PAK1IP1: variants seen among roughly 807,000 people sequenced by gnomAD.
The protein encoded by PAK1IP1 is PAK1 interacting protein 1.
PAK1IP1 carries 24 observed loss-of-function variants against 42.0 expected under a neutral mutation model. The ratio of observed to expected loss-of-function variants is 0.57; its 90% CI spans 0.41 to 0.80. PAK1IP1 has a LOEUF of 0.80. Ranked by LOEUF, PAK1IP1 falls within the 30% of genes least tolerant of loss-of-function variation. The probability of loss-of-function intolerance (pLI) is 0.00; values close to 1 mark genes in which losing one functional copy is unlikely to be tolerated. For synonymous variants in PAK1IP1, 154 were observed against 156.7 expected, an observed-to-expected ratio of 0.98 and a Z score of 0.13; for missense variants, 411 against 467.9, an observed-to-expected ratio of 0.88 and a Z score of 1.12.
intron 2 of PAK1IP1, among the ~76,000 whole-genome samples, chr6:10,701,792 C>T (rs1770035558): frequency 6.6e-6 from 1 of 152,082 alleles, no homozygotes; most frequent in African/African-American, 2.4e-5. Context: ...CCAGCCACCT[C>T]CTAAATTTAT....
At chr6:10,707,776 G>A (rs1312455598) in intron 8 of PAK1IP1, among the ~76,000 whole-genome samples, 1 of 152,134 alleles carries the variant, frequency 6.6e-6, no homozygotes, top group African/African-American at 2.4e-5. Flanking sequence ...CTTGAATATT[G>A]GAGTTCTCTG....
At chr6:10,708,867 C>A in intron 8 of PAK1IP1, 86 bp from the exon 9 acceptor site, 1 of 1,082,190 alleles carries the variant, frequency 9.2e-7, no homozygotes, top group Non-Finnish European at 1.4e-6. Context: ...CAAGAAAATA[C>A]AGGAAGTTTT....
chr6:10,696,681 G>T (rs1769868694), intron 1 of PAK1IP1, among the ~76,000 whole-genome samples: 1 of 152,190 alleles, frequency 6.6e-6, no homozygotes, highest in African/African-American at 2.4e-5. Flanking sequence ...GGTGGCTCAT[G>T]CCTGCAATCC....
chr6:10,709,171 G>A (rs941585810), intron 9 of PAK1IP1, 67 bp from the exon 10 acceptor site: 1 of 1,508,136 alleles, frequency 6.6e-7, no homozygotes, highest in Non-Finnish European at 9.1e-7. Context: ...TTTATTGACA[G>A]CTTGTGTTTA....
At chr6:10,697,207 T>C (rs12661484) in intron 1 of PAK1IP1, 117 bp from the exon 2 acceptor site, 22,460 of 801,800 alleles carry the variant, frequency 0.028, 2,240 homozygotes, top group African/African-American at 0.27. Flanking sequence ...AATCGTGGAA[T>C]GATTTATCTT....
At chr6:10,696,740 C>G (rs1769873410) in intron 1 of PAK1IP1, among the ~76,000 whole-genome samples, 1 of 152,138 alleles carries the variant, frequency 6.6e-6, no homozygotes, top group Admixed American at 6.5e-5. Flanking sequence ...GTCAGGGGTT[C>G]AAGACCAGCC....
chr6:10,702,004 G>A (rs1292951601), intron 2 of PAK1IP1, among the ~76,000 whole-genome samples: 2 of 152,200 alleles, frequency 1.3e-5, no homozygotes, highest in African/African-American at 4.8e-5. Context: ...GGAGGCTGAG[G>A]TGGGCAGATC....
upstream of PAK1IP1, among the ~76,000 whole-genome samples, chr6:10,693,418 G>A (rs1260598917): frequency 6.6e-6 from 1 of 152,186 alleles, no homozygotes; most frequent in African/African-American, 2.4e-5. Flanking sequence ...TTTCTGCACT[G>A]CAGTGACAAC....
chr6:10,694,085 C>A (rs1450635558), upstream of PAK1IP1, among the ~76,000 whole-genome samples: 1 of 152,066 alleles, frequency 6.6e-6, no homozygotes, highest in Non-Finnish European at 1.5e-5. Flanking sequence ...CATGGAGAAA[C>A]CCTGTCTCTA....
intron 4 of PAK1IP1, 37 bp from the exon 5 acceptor site, chr6:10,703,368 T>C: frequency 6.6e-7 from 1 of 1,519,544 alleles, no homozygotes; most frequent in Non-Finnish European, 9.1e-7. Flanking sequence ...AAAAGTTAGT[T>C]GGTGATCACA....
intron 2 of PAK1IP1, among the ~76,000 whole-genome samples, chr6:10,699,151 A>C (rs1354114084): frequency 7.0e-6 from 1 of 142,540 alleles, no homozygotes; most frequent in Non-Finnish European, 1.5e-5. Flanking sequence ...CAGTGAGCTG[A>C]GACTGTGCCA....
rs773789186 is a variant in PAK1IP1 at position 10,697,359 on chromosome 6, T to A, written c.120T>A (p.Ala40=). 4 of 1,613,970 alleles carry A rather than the reference T, an allele frequency of 2.5e-6. No individual in the cohort carries two copies. The highest frequency in any genetic ancestry group is 3.4e-6 in the Non-Finnish European group (4 of 1,179,980). Reference sequence around the variant, plus strand: ...TTGTGGCTGACTTCACTCACCATGCTCACACTGCCTCCTTGTCAGCAGTAG... The same window carrying A: ...TTGTGGCTGACTTCACTCACCATGCACACACTGCCTCCTTGTCAGCAGTAG... ...WTLVADFTHH[A]HTASLSAVAV... Residue 40 remains alanine (A), a synonymous_variant, in exon 2 of 10, where the codon GCT becomes GCA. Coordinates refer to ENST00000379568, the MANE Select transcript of PAK1IP1 (RefSeq NM_017906.3).
intron 5 of PAK1IP1, 109 bp from the exon 6 acceptor site, chr6:10,704,398 G>A (rs1032766825): frequency 1.7e-5 from 11 of 661,440 alleles, no homozygotes; most frequent in Non-Finnish European, 2.5e-5. Context: ...AGATGAAATA[G>A]GATAATGAAT....
intron 1 of PAK1IP1, among the ~76,000 whole-genome samples, chr6:10,696,222 A>G (rs1010500545): frequency 6.6e-6 from 1 of 152,184 alleles, no homozygotes; most frequent in African/African-American, 2.4e-5. Context: ...AATCTAAGCA[A>G]TAGCCTAGAT....
At position 10,707,512 on chromosome 6, in the gene PAK1IP1, A is replaced by G. The variant is rs543748909; in HGVS notation, c.838A>G (p.Lys280Glu). 1.9e-5 allele frequency: 30 copies of G among 1,563,730 alleles called. No individual in the cohort carries two copies. The South Asian group carries it at 3.0e-4, about 16-fold the overall frequency. ...FIKMWKLKQD[K>E]KVPPSLLCEI... ...CAAAATGTGGAAGCTTAAGCAGGAT[A>G]AGGTCAGTGCTTCAACACAATCTAA... Residue 280 changes from lysine to glutamate, a missense_variant and splice_region_variant, in exon 8 of 10, where the codon AAG (lysine) becomes GAG (glutamate). Lys to Glu is a moderately conservative substitution (Grantham distance 56). Coordinates refer to ENST00000379568, the MANE Select transcript of PAK1IP1 (RefSeq NM_017906.3).
intron 7 of PAK1IP1, among the ~76,000 whole-genome samples, chr6:10,705,130 C>T (rs796551998): frequency 2.0e-5 from 3 of 152,196 alleles, no homozygotes; most frequent in African/African-American, 7.2e-5. Flanking sequence ...CAAGACCATC[C>T]TGGCCAACAT....
chr6:10,700,809 T>C (rs1424595133), intron 2 of PAK1IP1, among the ~76,000 whole-genome samples: 3 of 152,078 alleles, frequency 2.0e-5, no homozygotes, highest in Non-Finnish European at 2.9e-5. Flanking sequence ...ATAAATCCTT[T>C]TTTTCTTTTT....
At chr6:10,706,937 C>CAAAAAAGAAGCAG (rs1235149545) in intron 7 of PAK1IP1, among the ~76,000 whole-genome samples, 1 of 150,790 alleles carries the variant, frequency 6.6e-6, no homozygotes, top group Non-Finnish European at 1.5e-5. Flanking sequence ...TGTTAAGGGG[C>CAAAAAAGAAGCAG]AAAAAAGAAG....
At chr6:10,708,617 T>C (rs953804391) in intron 8 of PAK1IP1, among the ~76,000 whole-genome samples, 4 of 137,696 alleles carry the variant, frequency 2.9e-5, no homozygotes, top group African/African-American at 1.5e-4. Flanking sequence ...GCTATGTTGG[T>C]GTGCTGCACC....
Sources: gnomAD v4.1 joint callset for allele counts (sites outside exome capture counted in the v4.1 genomes callset) on GRCh38, gnomAD v4.1.1 for gene constraint, MANE v1.5 for transcripts, NCBI Gene and HGNC (gene_info 2026-07-23, HGNC 2026-07-21) for gene names.